Variants in ZSWIM7 observed in about 807,000 individuals in gnomAD.
ZSWIM7 encodes zinc finger SWIM domain-containing protein 7.
Under a neutral mutation model 21.1 loss-of-function variants are expected in ZSWIM7, and 22 were observed. The ratio of observed to expected loss-of-function variants is 1.04; its 90% CI spans 0.74 to 1.49. ZSWIM7 has a LOEUF of 1.49. Ranked by LOEUF, ZSWIM7 falls within the 40% of genes most tolerant of loss-of-function variation. ZSWIM7 has a pLI of 0.00. For missense variants in ZSWIM7, 193 were observed against 168.0 expected, an observed-to-expected ratio of 1.15 and a Z score of -0.82; for synonymous variants, 67 against 66.5, an observed-to-expected ratio of 1.01 and a Z score of -0.04.
At chr17:15,979,083 A>C (rs1970313598) in intron 4 of ZSWIM7, among the ~76,000 whole-genome samples, 1 of 150,746 alleles carries the variant, frequency 6.6e-6, no homozygotes, top group Admixed American at 6.6e-5. Flanking sequence ...GAAGGTCAGC[A>C]GATAAACAAG....
chr17:15,985,997 A>T (rs1023316209), intron 3 of ZSWIM7, among the ~76,000 whole-genome samples: 1 of 152,302 alleles, frequency 6.6e-6, no homozygotes, highest in African/African-American at 2.4e-5. Flanking sequence ...AATAATTGGC[A>T]GTCTCTTTTG....
intron 3 of ZSWIM7, among the ~76,000 whole-genome samples, chr17:15,981,478 G>GGGA (rs1555593277): frequency 6.7e-5 from 10 of 148,542 alleles, no homozygotes; most frequent in African/African-American, 2.5e-4. Context: ...TGGGGGGGGG[G>GGGA]AATCTCTCAT....
chr17:15,991,798 T>G (rs191129661), intron 2 of ZSWIM7, among the ~76,000 whole-genome samples: 1 of 152,334 alleles, frequency 6.6e-6, no homozygotes, highest in African/African-American at 2.4e-5. Context: ...TTTTATTTTT[T>G]TAGAGACAAG....
At chr17:15,984,432 AAG>A (rs1405567755) in intron 3 of ZSWIM7, among the ~76,000 whole-genome samples, 8 of 152,248 alleles carry the variant, frequency 5.3e-5, no homozygotes, top group Non-Finnish European at 2.9e-5. Context: ...CTTTTTAAAA[AAG>A]GAACATGCTG....
intron 2 of ZSWIM7, among the ~76,000 whole-genome samples, chr17:15,993,492 G>A (rs1367649280): frequency 6.6e-6 from 1 of 151,758 alleles, no homozygotes; most frequent in East Asian, 1.9e-4. Context: ...TTAGCCTCCT[G>A]AGTAGCTGGG....
intron 4 of ZSWIM7, 92 bp from the exon 5 acceptor site, chr17:15,978,255 G>A: frequency 1.1e-6 from 1 of 900,888 alleles, no homozygotes; most frequent in South Asian, 1.4e-5. Flanking sequence ...TTATTTGGCA[G>A]GAGAAGACTA....
At chr17:15,987,733 C>T (rs1256169894) in intron 2 of ZSWIM7, among the ~76,000 whole-genome samples, 4 of 152,102 alleles carry the variant, frequency 2.6e-5, no homozygotes, top group African/African-American at 9.7e-5. Context: ...GCCTCAGCCT[C>T]CCAAGTAGCT....
chr17:15,995,575 TAAAA>T (rs550832963), intron 1 of ZSWIM7, among the ~76,000 whole-genome samples: 4 of 100,258 alleles, frequency 4.0e-5, no homozygotes, highest in Non-Finnish European at 6.0e-5. Context: ...CCCTGTCTCT[TAAAA>T]AAAAAAAAAA....
chr17:15,988,263 C>T (rs1374287655), intron 2 of ZSWIM7, among the ~76,000 whole-genome samples: 5 of 152,164 alleles, frequency 3.3e-5, no homozygotes, highest in East Asian at 1.9e-4. Context: ...CATTTTTTTA[C>T]TCAATGCATT....
intron 2 of ZSWIM7, among the ~76,000 whole-genome samples, chr17:15,988,848 G>C (rs984942540): frequency 6.6e-6 from 1 of 151,700 alleles, no homozygotes; most frequent in African/African-American, 2.4e-5. Flanking sequence ...GTGAAACCCC[G>C]TCTCTACTAA....
chr17:15,998,755 CT>C (rs10551472), intron 1 of ZSWIM7, among the ~76,000 whole-genome samples: 63,323 of 130,018 alleles, frequency 0.49, 13,759 homozygotes, highest in East Asian at 0.77. Context: ...TCTTAAAATG[CT>C]TTTTTTTTTT....
chr17:15,999,242 A>C (rs1970626608), intron 1 of ZSWIM7: 1 of 574,560 alleles, frequency 1.7e-6, no homozygotes, highest in Non-Finnish European at 3.1e-6. Flanking sequence ...AGCTCTCAGC[A>C]CTTCGGTCCC....
chr17:15,980,905 G>C, intron 4 of ZSWIM7, 135 bp downstream of exon 4: 1 of 575,770 alleles, frequency 1.7e-6, no homozygotes. Flanking sequence ...GTGACTAACT[G>C]AAGACAAAGA....
chr17:15,999,629 C>G lies in ZSWIM7; in HGVS notation c.-35G>C, dbSNP rs1487302052. 5.1e-6 allele frequency: 8 copies of G among 1,566,392 alleles called. No homozygotes were observed. The highest frequency in any genetic ancestry group is 6.9e-6 in the Non-Finnish European group (8 of 1,157,062). ...GGACACGCCCTCCACGACCGGCGGACCGCCGCGACGCTCCAGCTGACTGCG... is the reference window on the plus strand; with the variant it reads ...GGACACGCCCTCCACGACCGGCGGAGCGCCGCGACGCTCCAGCTGACTGCG... On this transcript the variant is annotated 5_prime_UTR_variant, in exon 1 of 5. Coordinates refer to ENST00000399277, the MANE Select transcript of ZSWIM7 (RefSeq NM_001042697.2).
intron 2 of ZSWIM7, among the ~76,000 whole-genome samples, chr17:15,992,431 C>T (rs1220802818): frequency 4.2e-5 from 6 of 141,700 alleles, no homozygotes; most frequent in African/African-American, 1.6e-4. Context: ...GTTAGTTGAA[C>T]AGCTACGCTT....
At chr17:15,991,792 A>AT (rs1281351367) in intron 2 of ZSWIM7, among the ~76,000 whole-genome samples, 1 of 151,856 alleles carries the variant, frequency 6.6e-6, no homozygotes, top group Admixed American at 6.6e-5. Context: ...CAGAACTTTT[A>AT]TTTTTTTAGA....
rs531137392 is a variant in ZSWIM7, at chr17:15,988,702, T to TCC, written c.99-1336_99-1335dup. On this transcript the variant is annotated intron_variant, in intron 2 of 4. Transcript: ENST00000399277. ...ACACACAAAAAAGTGAAAACAGCACTCCCACCAGCACTGTATAAGACTTCT... is the reference window on the plus strand; with the variant it reads ...ACACACAAAAAAGTGAAAACAGCACTCCCCCACCAGCACTGTATAAGACTTCT... 1.8e-3 allele frequency among the ~76,000 whole-genome samples: 270 copies of TCC among 151,814 alleles called. 2 individuals carry two copies. The highest frequency in any genetic ancestry group is 1.4e-3 in the Non-Finnish European group (96 of 67,958).
rs555757827 is a variant in ZSWIM7 at position 15,987,423 on chromosome 17, T to C, written c.99-55A>G. 2.1e-5 allele frequency: 31 copies of C among 1,452,344 alleles called. No individual in the cohort carries two copies. The South Asian group carries it at 3.3e-4, about 15-fold the overall frequency. The allele number at this position is 1,452,344 out of a possible 1,614,324, so 90.0% of individuals were successfully genotyped here. A position where few individuals can be genotyped will look rare whatever the true frequency, so the allele number is the denominator to read the frequency against. ...GGCCTGATTCTCAAAGTCACCTCAG[T>C]AACTTGCCCAAAGGATCACTAGACT... On this transcript the variant is annotated intron_variant, in intron 2 of 4. Coordinates refer to ENST00000399277, the MANE Select transcript of ZSWIM7 (RefSeq NM_001042697.2).
Position 15,989,125 on chromosome 17 carries a change from T to C in ZSWIM7, c.99-1757A>G, listed in dbSNP as rs74429694. Among the ~76,000 whole-genome samples, 1,417 of 152,316 alleles carry C rather than the reference T, an allele frequency of 9.3e-3. 26 individuals are homozygous for C. Among genetic ancestry groups the C allele is most frequent in the African/African-American group, 0.032 (1,328 of 41,568 alleles). ...CTTTTTTATGTTGCCCATCTGAAGA[T>C]AATAAATGTGTACTTTTTGGATTAG... On this transcript the variant is annotated intron_variant, in intron 2 of 4. Transcript: ENST00000399277.
Sources: gnomAD v4.1 joint callset for allele counts (sites outside exome capture counted in the v4.1 genomes callset) on GRCh38, gnomAD v4.1.1 for gene constraint, MANE v1.5 for transcripts, NCBI Gene and HGNC (gene_info 2026-07-23, HGNC 2026-07-21) for gene names.